TCERG1L: variants seen among roughly 807,000 people sequenced by gnomAD.
The protein encoded by TCERG1L is transcription elongation regulator 1 like, also known as transcription elongation regulator 1-like protein.
In TCERG1L, 37 loss-of-function variants were observed where a neutral mutation model predicts 56.3. The observed-to-expected ratio is 0.66, with a 90% CI of 0.51 to 0.87. The LOEUF is 0.87. Among genes scored for constraint, TCERG1L ranks in the 40% least tolerant of loss-of-function variants. The pLI is 0.00. For synonymous variants in TCERG1L, 324 were observed against 326.3 expected (o/e 0.99, Z 0.08); for missense variants, 799 against 774.2 (o/e 1.03, Z -0.38).
At chr10:131,245,889 G>T (rs1846029875) in intron 4 of TCERG1L, among the ~76,000 whole-genome samples, 1 of 152,174 alleles carries the variant, frequency 6.6e-6, no homozygotes. Flanking sequence ...AGAGGCCTCG[G>T]GTGGATGGGA....
chr10:131,217,710 T>G, intron 4 of TCERG1L, among the ~76,000 whole-genome samples: 1 of 7,650 alleles, frequency 1.3e-4, no homozygotes, highest in Non-Finnish European at 2.7e-4. Flanking sequence ...TAGCTGCCCT[T>G]TTTTTTTTTT....
At chr10:131,107,526 T>C (rs1199875355) in intron 9 of TCERG1L, among the ~76,000 whole-genome samples, 3 of 151,992 alleles carry the variant, frequency 2.0e-5, no homozygotes, top group Admixed American at 6.5e-5. Flanking sequence ...GGGGCTGAAG[T>C]GAAGGCCGCA....
chr10:131,253,993 G>A (rs898571153), intron 4 of TCERG1L, among the ~76,000 whole-genome samples: 3 of 152,112 alleles, frequency 2.0e-5, no homozygotes, highest in African/African-American at 4.8e-5. Flanking sequence ...GAAGGAGTTC[G>A]TTCCAGGGGC....
At chr10:131,291,396 C>CCTTTTTT (rs1167056441) in intron 3 of TCERG1L, among the ~76,000 whole-genome samples, 2 of 67,698 alleles carry the variant, frequency 3.0e-5, no homozygotes, top group Admixed American at 4.2e-4. Flanking sequence ...CCATAAACAG[C>CCTTTTTT]ATTTCTTTTT....
intron 8 of TCERG1L, among the ~76,000 whole-genome samples, chr10:131,120,821 C>T (rs1321625674): frequency 2.0e-5 from 3 of 152,176 alleles, no homozygotes; most frequent in Non-Finnish European, 4.4e-5. Flanking sequence ...CCTCTCGGAG[C>T]GACCCCTCCT....
intron 4 of TCERG1L, among the ~76,000 whole-genome samples, chr10:131,239,461 A>G (rs750908442): frequency 6.6e-6 from 1 of 152,240 alleles, no homozygotes; most frequent in Non-Finnish European, 1.5e-5. Flanking sequence ...ATTACCTCAA[A>G]GAAAGCTTTT....
In TCERG1L at chr10:131,163,193, C is replaced by A. The variant is rs143934935; in HGVS notation, c.963G>T (p.Leu321=). The change falls in exon 6 of 12, where the codon CTG becomes CTT. Residue 321 remains leucine, a synonymous_variant. Coordinates refer to ENST00000368642, the MANE Select transcript of TCERG1L (RefSeq NM_174937.4). ...DKEDKEPPPM[L]GGGEDSTARG... is the part of the protein sequence containing the mutation. The stretch of plus-strand genomic sequence containing the variant: ...TGGCTGTGCTGTCCTCTCCTCCCCC[C>A]AGCATCGGTGGAGGCTCCTTTCAAC... 4 of 1,556,604 alleles carry A rather than the reference C, an allele frequency of 2.6e-6. 1 individual carries two copies. The South Asian group carries it at 3.6e-5, about 14-fold the overall frequency.
chr10:131,121,165 C>T (rs56249207), intron 8 of TCERG1L, among the ~76,000 whole-genome samples: 29,640 of 152,084 alleles, frequency 0.19, 3,409 homozygotes, highest in Admixed American at 0.27. Context: ...GAGACATAGA[C>T]GCTGACACAG....
chr10:131,305,591 C>T (rs991535694), intron 3 of TCERG1L, among the ~76,000 whole-genome samples: 4 of 151,978 alleles, frequency 2.6e-5, no homozygotes, highest in South Asian at 2.1e-4. Context: ...AACAACAGTG[C>T]AAATTTTAAA....
chr10:131,285,630 A>T (rs1846531101), intron 3 of TCERG1L, among the ~76,000 whole-genome samples: 1 of 152,174 alleles, frequency 6.6e-6, no homozygotes, highest in South Asian at 2.1e-4. Flanking sequence ...TGGACTAAAG[A>T]CGCTAAACGC....
intron 2 of TCERG1L, among the ~76,000 whole-genome samples, chr10:131,308,937 C>T (rs377090362): frequency 6.6e-6 from 1 of 152,000 alleles, no homozygotes; most frequent in African/African-American, 2.4e-5. Context: ...TTTTACATTG[C>T]CCTGTGGAAT....
chr10:131,260,657 C>A lies in TCERG1L; in HGVS notation c.671-213G>T, dbSNP rs1215037891. ...GTCAAACGCTGCCATGCAACCAGTG[C>A]ACACACAGAGCCGTGTGATGCCCAG... On this transcript the variant is annotated intron_variant, in intron 3 of 11. Coordinates refer to ENST00000368642, the MANE Select transcript of TCERG1L (RefSeq NM_174937.4). The surrounding 1 kb of genome is among the most constrained non-coding windows in gnomAD (Gnocchi z 5.8). 6.6e-6 allele frequency among the ~76,000 whole-genome samples: 1 copy of A among 152,206 alleles called. No homozygotes were observed. The highest frequency in any genetic ancestry group is 6.5e-5 in the Admixed American group (1 of 15,282).
chr10:131,173,040 G>A lies in TCERG1L; in HGVS notation c.857-6155C>T, dbSNP rs557706057. The stretch of plus-strand genomic sequence containing the variant: ...CGAGTAGCTGAGATTACAGGGGCCC[G>A]CCACCACGCCCAGCTAATTTTTGTA... On this transcript the variant is annotated intron_variant, in intron 4 of 11. Transcript: ENST00000368642. Among the ~76,000 whole-genome samples the A allele has an allele frequency of 2.1e-4, 32 of 151,964 alleles. No individual in the cohort carries two copies. In the South Asian group the frequency reaches 4.8e-3, roughly 23 times the overall value.
At chr10:131,094,245 C>G (rs1379847050) in intron 11 of TCERG1L, among the ~76,000 whole-genome samples, 1 of 152,240 alleles carries the variant, frequency 6.6e-6, no homozygotes, top group African/African-American at 2.4e-5. Context: ...TGCAGATGCA[C>G]TCGCTTGTCC....
chr10:131,161,352 A>G (rs917803541), intron 6 of TCERG1L: 1 of 152,218 alleles, frequency 6.6e-6, no homozygotes, highest in African/African-American at 2.4e-5. Context: ...GATGTGCATA[A>G]AAGGATGTCG....
At chr10:131,259,701 C>G (rs935230460) in intron 4 of TCERG1L, among the ~76,000 whole-genome samples, 3 of 152,220 alleles carry the variant, frequency 2.0e-5, no homozygotes, top group African/African-American at 7.2e-5. Context: ...AAAGGGAGCA[C>G]GTCTACTGCA....
intron 3 of TCERG1L, among the ~76,000 whole-genome samples, chr10:131,277,487 C>T (rs1455164536): frequency 6.6e-6 from 1 of 152,182 alleles, no homozygotes; most frequent in Non-Finnish European, 1.5e-5. Context: ...CCGCTCCCCA[C>T]CTCCTGGCGA....
intron 4 of TCERG1L, among the ~76,000 whole-genome samples, chr10:131,178,128 C>T (rs751891763): frequency 2.0e-5 from 3 of 152,116 alleles, no homozygotes; most frequent in Non-Finnish European, 4.4e-5. Context: ...CCCTGAGGAC[C>T]CTGCCTCCCT....
intron 11 of TCERG1L, among the ~76,000 whole-genome samples, chr10:131,096,726 C>T (rs1394646655): frequency 6.6e-6 from 1 of 152,036 alleles, no homozygotes; most frequent in Non-Finnish European, 1.5e-5. Context: ...TGGTGAAACC[C>T]CGTCTCTACT....
Sources: gnomAD v4.1 joint callset for allele counts (sites outside exome capture counted in the v4.1 genomes callset) on GRCh38, gnomAD v4.1.1 for gene constraint, Gnocchi (gnomAD v3.1) non-coding constraint, MANE v1.5 for transcripts, NCBI Gene and HGNC (gene_info 2026-07-23, HGNC 2026-07-21) for gene names.